Variants in GPD2 observed in about 807,000 individuals in gnomAD.
The protein encoded by GPD2 is glycerol-3-phosphate dehydrogenase 2, also known as glycerol-3-phosphate dehydrogenase, mitochondrial.
GPD2 carries 54 observed loss-of-function variants against 82.4 expected under a neutral mutation model. The ratio of observed to expected loss-of-function variants is 0.66; its 90% CI spans 0.53 to 0.82. The LOEUF (loss-of-function observed/expected upper bound fraction) is 0.82. GPD2 is among the 40% of genes least tolerant of loss of function. The pLI, the probability that GPD2 is intolerant of heterozygous loss-of-function variation, is 0.00. For missense variants in GPD2, 748 were observed against 896.2 expected (o/e 0.83, Z 2.11); for synonymous variants, 288 against 306.1 (o/e 0.94, Z 0.62).
intron 8 of GPD2, among the ~76,000 whole-genome samples, chr2:156,554,424 A>G (rs1686883079): frequency 6.6e-6 from 1 of 152,224 alleles, no homozygotes; most frequent in Non-Finnish European, 1.5e-5. Flanking sequence ...AGGCTGGTAA[A>G]GGAAGAGTAA....
intron 2 of GPD2, among the ~76,000 whole-genome samples, chr2:156,482,258 C>T (rs1444633592): frequency 2.6e-5 from 4 of 152,164 alleles, no homozygotes; most frequent in Non-Finnish European, 4.4e-5. Flanking sequence ...GGTGTACCAA[C>T]ACTCTTCTGT....
chr2:156,518,644 A>G (rs1320353808), intron 6 of GPD2, among the ~76,000 whole-genome samples: 1 of 152,228 alleles, frequency 6.6e-6, no homozygotes, highest in Non-Finnish European at 1.5e-5. Context: ...AAAAAAATCA[A>G]TTACCAGTAT....
the GPD2 span, among the ~76,000 whole-genome samples, chr2:156,403,359 A>C: frequency 3.3e-5 from 5 of 152,104 alleles, no homozygotes; most frequent in Non-Finnish European, 5.9e-5. Flanking sequence ...GTCAGCTAGG[A>C]GTTTCTGGGA....
chr2:156,550,509 C>T (rs1302867579), intron 7 of GPD2, 93 bp from the exon 8 acceptor site: 4 of 1,294,762 alleles, frequency 3.1e-6, no homozygotes, highest in South Asian at 2.4e-5. Flanking sequence ...TATACTTCAC[C>T]ATGGGTTAAG....
chr2:156,549,499 C>T (rs1686670868), intron 6 of GPD2, 109 bp from the exon 7 acceptor site: 4 of 963,858 alleles, frequency 4.1e-6, no homozygotes, highest in Non-Finnish European at 6.8e-6. Flanking sequence ...TCATGCATAT[C>T]CTGGGTGACA....
chr2:156,550,533 T>C, intron 7 of GPD2, 69 bp from the exon 8 acceptor site: 1 of 1,454,548 alleles, frequency 6.9e-7, no homozygotes, highest in Non-Finnish European at 9.7e-7. Context: ...ATAGATGAAT[T>C]AGTAATACAC....
intron 6 of GPD2, among the ~76,000 whole-genome samples, chr2:156,523,670 C>CTAGATAGATAGATAGATAGATACA (rs1685497535): frequency 1.4e-5 from 2 of 146,590 alleles, no homozygotes; most frequent in African/African-American, 5.1e-5. Flanking sequence ...AATTTCTTTT[C>CTAGATAGATAGATAGATAGATACA]TAGATAGATA....
chr2:156,572,462 CTTCCCTCCCCTTAACTGG>C (rs758546610), intron 13 of GPD2, among the ~76,000 whole-genome samples: 76 of 152,256 alleles, frequency 5.0e-4, no homozygotes, highest in Non-Finnish European at 1.0e-3. Context: ...ACCGCAATAG[CTTCCCTCCCCTTAACTGG>C]TGTCCCTTCT....
chr2:156,544,004 A>G lies in GPD2; in HGVS notation c.662-5604A>G, dbSNP rs541810285. The stretch of plus-strand genomic sequence containing the variant: ...TAGTAGAAAATTGGCTACATTGCCT[A>G]TATGTTATCTATTGCTGTAATTCTT... On this transcript the variant is annotated intron_variant, in intron 6 of 16. Coordinates refer to ENST00000438166, the MANE Select transcript of GPD2 (RefSeq NM_000408.5). 7.2e-5 allele frequency among the ~76,000 whole-genome samples: 11 copies of G among 152,328 alleles called. 1 individual carries two copies. In the South Asian group the frequency reaches 2.1e-3, roughly 29 times the overall value.
At chr2:156,486,119 G>GT (rs1428752455) in intron 2 of GPD2, among the ~76,000 whole-genome samples, 4 of 152,142 alleles carry the variant, frequency 2.6e-5, no homozygotes, top group Non-Finnish European at 5.9e-5. Flanking sequence ...ATGGTTAACT[G>GT]TTTTTTCAGA....
the GPD2 span, among the ~76,000 whole-genome samples, chr2:156,419,049 C>CTT: frequency 8.2e-4 from 63 of 77,216 alleles, 1 homozygote; most frequent in Non-Finnish European, 9.9e-4. Context: ...TTCTTTCCTT[C>CTT]TTTTTTTTTT....
intron 2 of GPD2, among the ~76,000 whole-genome samples, chr2:156,494,559 G>A (rs1684300331): frequency 6.6e-6 from 1 of 152,192 alleles, no homozygotes; most frequent in Non-Finnish European, 1.5e-5. Flanking sequence ...TGCAACTGCA[G>A]GGGGTAAGTG....
chr2:156,515,404 T>C (rs1685164999), intron 6 of GPD2, among the ~76,000 whole-genome samples: 1 of 151,630 alleles, frequency 6.6e-6, no homozygotes, highest in African/African-American at 2.4e-5. Flanking sequence ...AGAAAAGAAA[T>C]ATTAGCAAAT....
At chr2:156,446,205 C>T (rs945701541) in intron 1 of GPD2, among the ~76,000 whole-genome samples, 2 of 152,118 alleles carry the variant, frequency 1.3e-5, no homozygotes, top group Non-Finnish European at 2.9e-5. Context: ...GAGCGATTCT[C>T]CTGCCTCAGC....
chr2:156,518,131 T>C (rs923194313), intron 6 of GPD2, among the ~76,000 whole-genome samples: 1 of 152,210 alleles, frequency 6.6e-6, no homozygotes, highest in African/African-American at 2.4e-5. Context: ...CACTAGAATA[T>C]TCATTTTTAT....
the GPD2 span, among the ~76,000 whole-genome samples, chr2:156,401,133 TAGAAGTCAAAACTTGC>T: frequency 1.3e-5 from 2 of 152,174 alleles, no homozygotes; most frequent in Non-Finnish European, 2.9e-5. Flanking sequence ...AGAAAAAAAC[TAGAAGTCAAAACTTGC>T]ATTGGCCGGG....
chr2:156,425,955 C>T, the GPD2 span, among the ~76,000 whole-genome samples: 2 of 147,880 alleles, frequency 1.4e-5, no homozygotes, highest in African/African-American at 2.5e-5. Context: ...CACAGTTTCA[C>T]TCTGTTGCCC....
intron 1 of GPD2, among the ~76,000 whole-genome samples, chr2:156,452,158 C>T (rs1221103353): frequency 5.3e-5 from 8 of 152,084 alleles, no homozygotes; most frequent in African/African-American, 1.7e-4. Context: ...GGGTGGCGGC[C>T]GGGCAGAGGC....
chr2:156,491,217 C>T (rs1018218811), intron 2 of GPD2, among the ~76,000 whole-genome samples: 1 of 152,210 alleles, frequency 6.6e-6, no homozygotes, highest in Admixed American at 6.5e-5. Context: ...ATGTAGACTT[C>T]TGAATCTGGC....
Sources: gnomAD v4.1 joint callset for allele counts (sites outside exome capture counted in the v4.1 genomes callset) on GRCh38, gnomAD v4.1.1 for gene constraint, MANE v1.5 for transcripts, NCBI Gene and HGNC (gene_info 2026-07-23, HGNC 2026-07-21) for gene names.